DAB1: variants seen among roughly 807,000 people sequenced by gnomAD.
The protein encoded by DAB1 is disabled homolog 1.
DAB1 carries 15 observed loss-of-function variants against 64.6 expected under a neutral mutation model. That is an observed-to-expected ratio of 0.23 (90% CI 0.16 to 0.36). The LOEUF (loss-of-function observed/expected upper bound fraction) is 0.36, where lower values mean the gene tolerates loss of function less well. Among genes scored for constraint, DAB1 ranks in the 10% least tolerant of loss-of-function variants. The pLI is 1.00. For synonymous variants in DAB1, 235 were observed against 251.9 expected, an observed-to-expected ratio of 0.93 and a Z score of 0.64; for missense variants, 596 against 706.7, an observed-to-expected ratio of 0.84 and a Z score of 1.78.
chr1:57,670,209 A>G (rs1646494640), intron 6 of DAB1, among the ~76,000 whole-genome samples: 1 of 152,166 alleles, frequency 6.6e-6, no homozygotes, highest in Non-Finnish European at 1.5e-5. Context: ...ATAATTTTGC[A>G]ATAATGTTGT....
rs148150803 is a variant in DAB1, at chr1:58,389,847, C to T, written n.258-46444G>A. ...ATTCTAAAGATACAGAATCACTGAT[C>T]TGCAAAGAGCCAAGGAGGAGGTTGT... On this transcript the variant is annotated intron_variant and non_coding_transcript_variant, in intron 3 of 20. Coordinates refer to the DAB1 transcript ENST00000485760. Among the ~76,000 whole-genome samples the T allele has an allele frequency of 6.5e-3, 987 of 152,252 alleles. 13 individuals are homozygous for T. The highest frequency in any genetic ancestry group is 0.023 in the African/African-American group (951 of 41,538).
intron 6 of DAB1, among the ~76,000 whole-genome samples, chr1:57,727,130 G>A (rs1213457254): frequency 6.6e-6 from 1 of 152,184 alleles, no homozygotes; most frequent in Non-Finnish European, 1.5e-5. Context: ...GACTGCAGCT[G>A]CAATTCAACT....
At chr1:57,617,956 C>T (rs1419701698) in intron 7 of DAB1, among the ~76,000 whole-genome samples, 2 of 152,136 alleles carry the variant, frequency 1.3e-5, no homozygotes, top group Non-Finnish European at 1.5e-5. Flanking sequence ...GAACTTCCTG[C>T]TGCTTACAAA....
intron 5 of DAB1, among the ~76,000 whole-genome samples, chr1:57,931,858 CT>C (rs1644957435): frequency 6.6e-6 from 1 of 151,958 alleles, no homozygotes; most frequent in South Asian, 2.1e-4. Context: ...GATTCCTGCT[CT>C]TATTGTTATT....
At chr1:57,554,017 A>G (rs549551633) in intron 7 of DAB1, among the ~76,000 whole-genome samples, 3 of 152,188 alleles carry the variant, frequency 2.0e-5, no homozygotes, top group Non-Finnish European at 4.4e-5. Flanking sequence ...CGTTTTGAGG[A>G]TGAGAGAGAC....
chr1:57,339,093 C>T lies in DAB1; in HGVS notation c.-136-47927G>A, dbSNP rs886430724. On this transcript the variant is annotated intron_variant, in intron 1 of 14. Coordinates refer to ENST00000371236, the MANE Select transcript of DAB1 (RefSeq NM_001365792.1). ...CATGTCTGTTACTGTAATGTTACTG[C>T]TCACTTCCTTCTTACTGACTTAGGA... Among the ~76,000 whole-genome samples, 6 of 151,738 alleles carry T rather than the reference C, an allele frequency of 4.0e-5. No homozygotes were observed. The South Asian group carries it at 1.2e-3, about 32-fold the overall frequency.
chr1:58,235,016 T>A (rs898823509), intron 4 of DAB1, among the ~76,000 whole-genome samples: 2 of 152,228 alleles, frequency 1.3e-5, no homozygotes, highest in African/African-American at 4.8e-5. Context: ...AAGATTAGAA[T>A]CTATTCGTGG....
rs191748254 is a variant in DAB1, at chr1:57,402,485, C to T, written c.-137+21445G>A. On this transcript the variant is annotated intron_variant, in intron 1 of 14. Transcript: ENST00000371236. ...ATTACTAATAGGGATGGTTTAATTA[C>T]ACCCATAAGTCCCAAGATATTGCTG... is the stretch of plus-strand genomic sequence containing the variant. Among the ~76,000 whole-genome samples the T allele has an allele frequency of 1.8e-4, 27 of 152,212 alleles. 1 individual carries two copies. The East Asian group carries it at 5.2e-3, about 29-fold the overall frequency.
chr1:58,403,353 G>C (rs911165108), intron 3 of DAB1, among the ~76,000 whole-genome samples: 3 of 149,920 alleles, frequency 2.0e-5, no homozygotes, highest in African/African-American at 7.4e-5. Flanking sequence ...AGATAATTAA[G>C]ACAATAAAAA....
At chr1:57,838,666 C>G (rs1557509470) in intron 1 of DAB1, among the ~76,000 whole-genome samples, 1 of 152,140 alleles carries the variant, frequency 6.6e-6, no homozygotes. Flanking sequence ...TCAGACCAAA[C>G]ACTTCATCTC....
intron 3 of DAB1, among the ~76,000 whole-genome samples, chr1:58,460,575 T>A (rs113371423): frequency 0.019 from 2,968 of 152,286 alleles, 102 homozygotes; most frequent in African/African-American, 0.068. Context: ...ACTGAACACT[T>A]ACTATGTCAT....
At chr1:57,636,115 A>AAAAAAAAC (rs1558562585) in intron 7 of DAB1, among the ~76,000 whole-genome samples, 1 of 145,188 alleles carries the variant, frequency 6.9e-6, no homozygotes, top group Non-Finnish European at 1.5e-5. Flanking sequence ...AAAAAAAAAC[A>AAAAAAAAC]AAAACAAAAA....
At chr1:57,158,220 A>G (rs1228617614) in intron 2 of DAB1, among the ~76,000 whole-genome samples, 1 of 152,146 alleles carries the variant, frequency 6.6e-6, no homozygotes, top group Non-Finnish European at 1.5e-5. Context: ...TTTCTCCCCA[A>G]GTAATATATT....
At chr1:57,330,133 T>C (rs1676532553) in intron 1 of DAB1, among the ~76,000 whole-genome samples, 1 of 152,184 alleles carries the variant, frequency 6.6e-6, no homozygotes, top group South Asian at 2.1e-4. Flanking sequence ...GTCATCTTCC[T>C]TCACTTAAGC....
intron 6 of DAB1, among the ~76,000 whole-genome samples, chr1:57,747,995 A>G (rs1210028582): frequency 6.6e-6 from 1 of 151,988 alleles, no homozygotes; most frequent in Non-Finnish European, 1.5e-5. Flanking sequence ...CATGGTCTAG[A>G]GTCTTGATCA....
intron 2 of DAB1, among the ~76,000 whole-genome samples, chr1:58,511,234 G>T (rs1404193654): frequency 3.3e-5 from 5 of 152,106 alleles, no homozygotes; most frequent in African/African-American, 1.2e-4. Flanking sequence ...ATATTACAAA[G>T]CTACAGTAAT....
At chr1:58,440,609 T>C (rs966893133) in intron 3 of DAB1, among the ~76,000 whole-genome samples, 7 of 152,338 alleles carry the variant, frequency 4.6e-5, no homozygotes, top group African/African-American at 1.7e-4. Flanking sequence ...AGTAATAGTA[T>C]GTACAGTATG....
intron 4 of DAB1, among the ~76,000 whole-genome samples, chr1:57,089,234 A>C (rs1039779902): frequency 1.3e-5 from 2 of 152,232 alleles, no homozygotes; most frequent in African/African-American, 4.8e-5. Flanking sequence ...ATGAGGGAAT[A>C]ACTTCTCTGT....
At chr1:57,933,434 T>TTA (rs397862146) in intron 5 of DAB1, among the ~76,000 whole-genome samples, 28 of 152,282 alleles carry the variant, frequency 1.8e-4, no homozygotes, top group African/African-American at 6.5e-4. Context: ...CCTTTTTTTT[T>TTA]ACAATAGGTT....
Sources: gnomAD v4.1 joint callset for allele counts (sites outside exome capture counted in the v4.1 genomes callset) on GRCh38, gnomAD v4.1.1 for gene constraint, MANE v1.5 for transcripts, NCBI Gene and HGNC (gene_info 2026-07-23, HGNC 2026-07-21) for gene names.